Variants in TNFRSF19 observed in about 807,000 individuals in gnomAD.
The protein encoded by TNFRSF19 is tumor necrosis factor receptor superfamily member 19.
A neutral mutation model predicts 46.4 loss-of-function variants in TNFRSF19; 27 were observed. The observed-to-expected ratio is 0.58, with a 90% CI of 0.43 to 0.80. The LOEUF is 0.80. TNFRSF19 is among the 30% of genes least tolerant of loss of function. TNFRSF19 has a pLI of 0.00. For missense variants in TNFRSF19, 511 were observed against 530.8 expected (o/e 0.96, Z 0.37); for synonymous variants, 204 against 205.0 (o/e 1.00, Z 0.04).
intron 5 of TNFRSF19, among the ~76,000 whole-genome samples, chr13:23,636,284 G>A (rs1197425738): frequency 6.6e-6 from 1 of 152,180 alleles, no homozygotes; most frequent in African/African-American, 2.4e-5. Context: ...AGGGGTCGTA[G>A]GAGGCATGGT....
At position 23,615,887 on chromosome 13, in the gene TNFRSF19, G is replaced by A. The variant is rs778050170; in HGVS notation, c.201G>A (p.Gly67=). The A allele has an allele frequency of 6.2e-7, 1 of 1,609,308 alleles. No homozygotes were observed. The highest frequency in any genetic ancestry group is 8.5e-7 in the Non-Finnish European group (1 of 1,177,284). Reference sequence around the variant, plus strand: ...CACAGGAATGTGGCTTCGGCTATGGGGAGGATGCACAGTGTGTGACGTGCC... The same window carrying A: ...CACAGGAATGTGGCTTCGGCTATGGAGAGGATGCACAGTGTGTGACGTGCC... ...ELSKECGFGY[G]EDAQCVTCRL... is the part of the protein sequence containing the mutation. The change falls in exon 4 of 10, where the codon GGG becomes GGA. Residue 67 remains glycine, a synonymous_variant. Coordinates refer to ENST00000248484, the MANE Select transcript of TNFRSF19 (RefSeq NM_148957.4).
intron 1 of TNFRSF19, among the ~76,000 whole-genome samples, chr13:23,577,775 G>A (rs1190356010): frequency 2.6e-5 from 4 of 152,310 alleles, no homozygotes; most frequent in South Asian, 2.1e-4. Context: ...AGGCAAGGCT[G>A]GAAATAGGTG....
chr13:23,614,767 A>G (rs1365423195), intron 3 of TNFRSF19, among the ~76,000 whole-genome samples: 1 of 149,002 alleles, frequency 6.7e-6, no homozygotes, highest in South Asian at 2.1e-4. Context: ...ATATATATAT[A>G]TAGTACCTGG....
At chr13:23,633,241 T>G (rs867042650) in intron 5 of TNFRSF19, among the ~76,000 whole-genome samples, 2 of 151,776 alleles carry the variant, frequency 1.3e-5, no homozygotes, top group African/African-American at 4.8e-5. Flanking sequence ...GCCTCCTGAG[T>G]AGCTGGGCCC....
intron 3 of TNFRSF19, among the ~76,000 whole-genome samples, chr13:23,608,350 T>C (rs1880657406): frequency 6.6e-6 from 1 of 152,266 alleles, no homozygotes; most frequent in Non-Finnish European, 1.5e-5. Context: ...TAGCTAATTT[T>C]TCATACAGTA....
At chr13:23,661,367 C>T (rs191129079) in intron 7 of TNFRSF19, among the ~76,000 whole-genome samples, 56 of 152,308 alleles carry the variant, frequency 3.7e-4, no homozygotes, top group Admixed American at 2.2e-3. Context: ...ACAAAAGACA[C>T]GATCTCATCC....
intron 5 of TNFRSF19, among the ~76,000 whole-genome samples, chr13:23,631,013 A>T (rs1463219623): frequency 6.6e-6 from 1 of 151,966 alleles, no homozygotes; most frequent in African/African-American, 2.4e-5. Context: ...CTGACCTGCA[A>T]CTCTTAGGAA....
intron 5 of TNFRSF19, among the ~76,000 whole-genome samples, chr13:23,642,174 T>G (rs17334111): frequency 1.2e-4 from 19 of 152,324 alleles, no homozygotes; most frequent in Non-Finnish European, 2.2e-4. Flanking sequence ...TTTTAATCAT[T>G]AATTCTCCTT....
At chr13:23,669,523 G>T (rs1332988935) in intron 9 of TNFRSF19, 2 of 985,116 alleles carry the variant, frequency 2.0e-6, no homozygotes, top group East Asian at 1.1e-4. Context: ...GTGAATTTTG[G>T]TCTCCTAAAG....
chr13:23,579,001 C>T (rs1878168328), intron 1 of TNFRSF19, among the ~76,000 whole-genome samples: 1 of 152,256 alleles, frequency 6.6e-6, no homozygotes, highest in African/African-American at 2.4e-5. Flanking sequence ...CCGCCGTATC[C>T]CCTCTGGCTG....
At chr13:23,630,822 T>C (rs1882312559) in intron 5 of TNFRSF19, among the ~76,000 whole-genome samples, 1 of 152,238 alleles carries the variant, frequency 6.6e-6, no homozygotes, top group South Asian at 2.1e-4. Context: ...AATACTGTGG[T>C]TGGAACAAAT....
chr13:23,674,195 C>T lies in TNFRSF19; in HGVS notation c.*815C>T, dbSNP rs919472381. 6.6e-6 allele frequency: 1 copy of T among 152,208 alleles called. No homozygotes were observed. The highest frequency in any genetic ancestry group is 2.4e-5 in the African/African-American group (1 of 41,438). 9.4% of individuals were successfully genotyped at this position (152,208 alleles called of 1,614,324 possible). On this transcript the variant is annotated 3_prime_UTR_variant, in exon 10 of 10. Transcript: ENST00000248484. The stretch of plus-strand genomic sequence containing the variant: ...ATATGAAAATTAGTTGCTATAGAAA[C>T]ATTTGTTGCATCTGTCCCTCTGCCT...
intron 4 of TNFRSF19, among the ~76,000 whole-genome samples, chr13:23,624,585 C>A (rs1213385366): frequency 6.6e-6 from 1 of 151,926 alleles, no homozygotes; most frequent in Non-Finnish European, 1.5e-5. Flanking sequence ...ATCTACCTGT[C>A]CTTTGTAGAC....
chr13:23,617,835 T>C (rs1459095127), intron 4 of TNFRSF19, among the ~76,000 whole-genome samples: 1 of 152,216 alleles, frequency 6.6e-6, no homozygotes, highest in East Asian at 1.9e-4. Flanking sequence ...AACCTGTGTG[T>C]GGTGAGTCTG....
Position 23,606,908 on chromosome 13 carries a change from T to G in TNFRSF19, c.181-8959T>G, listed in dbSNP as rs1880548058. On this transcript the variant is annotated intron_variant, in intron 3 of 9. Coordinates refer to ENST00000248484, the MANE Select transcript of TNFRSF19 (RefSeq NM_148957.4). ...ATTCATGAATTTGTGATTTCTTCTT[T>G]TCATTGTTCCTTTTGCAACAGCATA... 2.6e-5 allele frequency among the ~76,000 whole-genome samples: 4 copies of G among 152,342 alleles called. No homozygotes were observed. The South Asian group carries it at 8.3e-4, about 32-fold the overall frequency.
chr13:23,613,591 T>TA (rs1566184946), intron 3 of TNFRSF19, among the ~76,000 whole-genome samples: 1 of 152,214 alleles, frequency 6.6e-6, no homozygotes, highest in Non-Finnish European at 1.5e-5. Flanking sequence ...ATGAGACTCT[T>TA]ACAACCTCAA....
At chr13:23,643,250 C>T (rs1883131656) in intron 5 of TNFRSF19, among the ~76,000 whole-genome samples, 2 of 152,176 alleles carry the variant, frequency 1.3e-5, no homozygotes, top group Admixed American at 1.3e-4. Flanking sequence ...GAAGTTTCTG[C>T]TTTTCTAATA....
chr13:23,622,396 G>A lies in TNFRSF19; in HGVS notation c.360-4311G>A, dbSNP rs910740334. The stretch of plus-strand genomic sequence containing the variant: ...TGCACTCCAGCCTGGGCAACAGAGC[G>A]AGACTCCATCTCAAGAAATAAATAA... On this transcript the variant is annotated intron_variant, in intron 4 of 9. Coordinates refer to ENST00000248484, the MANE Select transcript of TNFRSF19 (RefSeq NM_148957.4). Among the ~76,000 whole-genome samples the A allele has an allele frequency of 1.1e-4, 16 of 152,144 alleles. No homozygotes were observed. In the South Asian group the frequency reaches 2.1e-3, roughly 20 times the overall value.
At chr13:23,605,565 C>T (rs183135595) in intron 3 of TNFRSF19, among the ~76,000 whole-genome samples, 6 of 152,024 alleles carry the variant, frequency 3.9e-5, no homozygotes, top group Admixed American at 1.3e-4. Context: ...AGCAACCCAG[C>T]GGTACTTTAG....
Sources: gnomAD v4.1 joint callset for allele counts (sites outside exome capture counted in the v4.1 genomes callset) on GRCh38, gnomAD v4.1.1 for gene constraint, MANE v1.5 for transcripts, NCBI Gene and HGNC (gene_info 2026-07-23, HGNC 2026-07-21) for gene names.